TBC1D19: variants seen among roughly 807,000 people sequenced by gnomAD.
TBC1D19 encodes TBC1 domain family, member 19.
TBC1D19 carries 60 observed loss-of-function variants against 89.0 expected under a neutral mutation model. That is an observed-to-expected ratio of 0.67 (90% confidence interval 0.55 to 0.84). The LOEUF (loss-of-function observed/expected upper bound fraction) is 0.84. Among genes scored for constraint, TBC1D19 ranks in the 40% least tolerant of loss-of-function variants. TBC1D19 has a pLI of 0.00. For synonymous variants in TBC1D19, 189 were observed against 199.7 expected, an observed-to-expected ratio of 0.95 and a Z score of 0.45; for missense variants, 500 against 610.8, an observed-to-expected ratio of 0.82 and a Z score of 1.91.
In TBC1D19 at chr4:26,659,623, T is replaced by G. The variant is rs141678431; in HGVS notation, c.507T>G (p.Asn169Lys). The change falls in exon 8 of 21, where the codon AAT becomes AAG. Residue 169 changes from asparagine to lysine, a missense_variant. Asn to Lys is a moderately conservative substitution (Grantham distance 94, BLOSUM62 0). Transcript: ENST00000264866. ...TATTAATTAATCTTCGCAACCCAAA[T>G]TATGAAAACGGTGATTCTCTTAGTT... is the stretch of plus-strand genomic sequence containing the variant. ...LEVLINLRNPNYENGDSLSFR... is the reference protein window; with the variant it reads ...LEVLINLRNPKYENGDSLSFR... 5 of 1,590,726 alleles carry G rather than the reference T, an allele frequency of 3.1e-6. No homozygotes were observed. The highest frequency in any genetic ancestry group is 4.3e-6 in the Non-Finnish European group (5 of 1,164,032).
chr4:26,766,623 G>A, the TBC1D19 span, among the ~76,000 whole-genome samples: 1 of 152,148 alleles, frequency 6.6e-6, no homozygotes, highest in Non-Finnish European at 1.5e-5. Flanking sequence ...CACCTGGACT[G>A]GAGACAGAAG....
chr4:26,742,627 AATAG>A (rs1184521902), intron 18 of TBC1D19, 28 bp downstream of exon 18: 21 of 1,578,468 alleles, frequency 1.3e-5, no homozygotes, highest in Non-Finnish European at 1.6e-5. Context: ...CTAATTGAAG[AATAG>A]ATAGTTTCAC....
At chr4:26,757,278 G>A (rs555740781), downstream of TBC1D19, among the ~76,000 whole-genome samples, 1 of 152,280 alleles carries the variant, frequency 6.6e-6, no homozygotes, top group East Asian at 1.9e-4. Flanking sequence ...GCCTTCCAAA[G>A]TGCTGGGATT....
At chr4:26,676,306 CTGAT>C (rs913286541) in intron 11 of TBC1D19, among the ~76,000 whole-genome samples, 6 of 152,174 alleles carry the variant, frequency 3.9e-5, no homozygotes, top group Non-Finnish European at 8.8e-5. Flanking sequence ...ACTTAACCTC[CTGAT>C]ACTTAGAGAA....
intron 7 of TBC1D19, among the ~76,000 whole-genome samples, chr4:26,647,308 A>C (rs752467145): frequency 2.6e-5 from 4 of 152,228 alleles, no homozygotes; most frequent in Non-Finnish European, 4.4e-5. Context: ...GAGACATATC[A>C]AATATTCAAG....
intron 19 of TBC1D19, 27 bp downstream of exon 19, chr4:26,748,553 C>A: frequency 6.7e-7 from 1 of 1,497,224 alleles, no homozygotes; most frequent in Non-Finnish European, 9.3e-7. Context: ...GTTTGTAGAA[C>A]ACATGCTGTT....
At chr4:26,650,430 T>C (rs1214655551) in intron 7 of TBC1D19, among the ~76,000 whole-genome samples, 4 of 152,198 alleles carry the variant, frequency 2.6e-5, no homozygotes, top group African/African-American at 9.7e-5. Context: ...TGGTATCTCA[T>C]TGTGGTTTTG....
intron 13 of TBC1D19, among the ~76,000 whole-genome samples, chr4:26,710,601 C>A (rs893310027): frequency 1.6e-4 from 24 of 152,284 alleles, no homozygotes; most frequent in African/African-American, 5.5e-4. Flanking sequence ...CCTGAGGAAT[C>A]ACCACACCGA....
rs537774138 is a variant in TBC1D19, at chr4:26,600,982, T to A, written c.100-12187T>A. Among the ~76,000 whole-genome samples, 123 of 152,334 alleles carry A rather than the reference T, an allele frequency of 8.1e-4. No homozygotes were observed. The Middle Eastern group carries it at 0.01, about 13-fold the overall frequency. ...ATTGAGCCTCTCATCTGTGGTAGGT[T>A]GGGCTCTTGAGAGAAATTAGAAAAG... On this transcript the variant is annotated intron_variant, in intron 1 of 20. Transcript: ENST00000264866.
At chr4:26,642,145 A>G (rs140893920) in intron 7 of TBC1D19, among the ~76,000 whole-genome samples, 1,927 of 152,338 alleles carry the variant, frequency 0.013, 35 homozygotes, top group African/African-American at 0.043. Context: ...ACCAAGGTTG[A>G]AATGAAGGAA....
chr4:26,794,131 C>CA, the TBC1D19 span, among the ~76,000 whole-genome samples: 1 of 152,014 alleles, frequency 6.6e-6, no homozygotes, highest in Non-Finnish European at 1.5e-5. Flanking sequence ...ATTATAGGAG[C>CA]AAAAAGAAAT....
At chr4:26,676,603 C>T (rs1349370119) in intron 11 of TBC1D19, among the ~76,000 whole-genome samples, 1 of 151,730 alleles carries the variant, frequency 6.6e-6, no homozygotes, top group African/African-American at 2.4e-5. Flanking sequence ...CCTGTAATCC[C>T]AGCTACTTGG....
chr4:26,606,488 G>T (rs573704480), intron 1 of TBC1D19, among the ~76,000 whole-genome samples: 1 of 152,262 alleles, frequency 6.6e-6, no homozygotes, highest in African/African-American at 2.4e-5. Flanking sequence ...AGGATGGAGT[G>T]GTGGAGGGGA....
intron 3 of TBC1D19, 137 bp downstream of exon 3, chr4:26,614,590 G>A (rs1741564150): frequency 1.9e-6 from 1 of 519,948 alleles, no homozygotes; most frequent in Middle Eastern, 5.4e-4. Flanking sequence ...CAAGTAAGTT[G>A]ATACAATTAA....
At chr4:26,839,259 G>A in the TBC1D19 span, among the ~76,000 whole-genome samples, 17 of 151,826 alleles carry the variant, frequency 1.1e-4, no homozygotes, top group South Asian at 2.3e-3. Context: ...ATTTTAAAGC[G>A]GCTTTAAAAA....
chr4:26,783,659 G>A, the TBC1D19 span, among the ~76,000 whole-genome samples: 2 of 152,194 alleles, frequency 1.3e-5, no homozygotes, highest in Non-Finnish European at 1.5e-5. Flanking sequence ...AAGGGGGTAT[G>A]CTTTTTGAAC....
At chr4:26,833,330 T>C in the TBC1D19 span, among the ~76,000 whole-genome samples, 1 of 152,132 alleles carries the variant, frequency 6.6e-6, no homozygotes, top group Non-Finnish European at 1.5e-5. Context: ...TTTATTGAGG[T>C]ATAATTTAGG....
chr4:26,600,038 A>C (rs559355651), intron 1 of TBC1D19, among the ~76,000 whole-genome samples: 2 of 147,656 alleles, frequency 1.4e-5, no homozygotes, highest in Non-Finnish European at 3.0e-5. Flanking sequence ...ATGTTATTTT[A>C]TGTTATCATG....
At chr4:26,697,873 G>A (rs1714948912) in intron 13 of TBC1D19, among the ~76,000 whole-genome samples, 1 of 152,098 alleles carries the variant, frequency 6.6e-6, no homozygotes, top group African/African-American at 2.4e-5. Context: ...AAAATAATAA[G>A]CGCTATCTAT....
Sources: gnomAD v4.1 joint callset for allele counts (sites outside exome capture counted in the v4.1 genomes callset) on GRCh38, gnomAD v4.1.1 for gene constraint, MANE v1.5 for transcripts, NCBI Gene and HGNC (gene_info 2026-07-23, HGNC 2026-07-21) for gene names.